PCDHGB4: variants seen among roughly 807,000 people sequenced by gnomAD.
The protein encoded by PCDHGB4 is protocadherin gamma-B4.
PCDHGB4 carries 38 observed loss-of-function variants against 60.5 expected under a neutral mutation model. That is an observed-to-expected ratio of 0.63 (90% CI 0.48 to 0.82). The LOEUF (loss-of-function observed/expected upper bound fraction) is 0.82, where lower values mean the gene tolerates loss of function less well. PCDHGB4 is among the 40% of genes least tolerant of loss of function. The pLI is 0.00. For synonymous variants in PCDHGB4, 456 were observed against 509.7 expected, an observed-to-expected ratio of 0.89 and a Z score of 1.42; for missense variants, 1,109 against 1,209.6, an observed-to-expected ratio of 0.92 and a Z score of 1.23.
intron 3 of PCDHGB4, among the ~76,000 whole-genome samples, chr5:141,506,833 C>A (rs1462038297): frequency 1.3e-5 from 2 of 152,092 alleles, no homozygotes; most frequent in African/African-American, 4.8e-5. Context: ...AACTGATAGC[C>A]CTGCCCTCCA....
chr5:141,421,931 A>T, intron 1 of PCDHGB4: 1 of 1,613,556 alleles, frequency 6.2e-7, no homozygotes, highest in East Asian at 2.2e-5. Context: ...GTGGTCCTCG[A>T]TGTAAATGAT....
chr5:141,491,869 G>C lies in PCDHGB4; in HGVS notation c.2398-2938G>C. On this transcript the variant is annotated intron_variant, in intron 1 of 3. Transcript: ENST00000519479. This position sits in a 1 kb window ranked among gnomAD's most constrained non-coding sequence, Gnocchi z 6.9. ...GGACCGTTTGCGCGAAACCAGAGTG[G>C]CCGATTAAGGGATGGGGCTCCGAGC... The C allele has an allele frequency of 6.9e-7, 1 of 1,453,094 alleles. No homozygotes were observed. Among genetic ancestry groups the C allele is most frequent in the South Asian group, 1.5e-5 (1 of 68,080 alleles). 90.0% of individuals were successfully genotyped at this position (1,453,094 alleles called of 1,614,324 possible).
chr5:141,410,078 G>T, intron 1 of PCDHGB4: 4 of 1,612,820 alleles, frequency 2.5e-6, no homozygotes, highest in East Asian at 2.2e-5. Flanking sequence ...CACTGGGGAG[G>T]TGCGCACGGC....
At chr5:141,454,000 T>C (rs1048921374) in intron 1 of PCDHGB4, among the ~76,000 whole-genome samples, 2 of 152,214 alleles carry the variant, frequency 1.3e-5, no homozygotes, top group African/African-American at 4.8e-5. Flanking sequence ...TAAACCCACA[T>C]AACATTTTAG....
chr5:141,465,893 C>T (rs926928579), intron 1 of PCDHGB4, among the ~76,000 whole-genome samples: 23 of 152,078 alleles, frequency 1.5e-4, no homozygotes, highest in Middle Eastern at 3.4e-3. Context: ...GAGGCCGAGG[C>T]GGGCAAATCA....
chr5:141,502,868 T>TTTTTTTTTC (rs1298099288), intron 2 of PCDHGB4, among the ~76,000 whole-genome samples: 1 of 147,026 alleles, frequency 6.8e-6, no homozygotes, highest in Non-Finnish European at 1.5e-5. Flanking sequence ...CTCTCTGTCT[T>TTTTTTTTTC]TTTTTTTTTT....
At chr5:141,415,095 C>A (rs1045755927) in intron 1 of PCDHGB4, 2 of 1,613,466 alleles carry the variant, frequency 1.2e-6, no homozygotes, top group East Asian at 2.2e-5. Flanking sequence ...TGGACAGAGA[C>A]GCGCTCAAGC....
chr5:141,509,346 G>A (rs946395640), intron 3 of PCDHGB4, among the ~76,000 whole-genome samples: 7 of 152,194 alleles, frequency 4.6e-5, no homozygotes, highest in Non-Finnish European at 8.8e-5. Flanking sequence ...GCCTGGGCTG[G>A]CCTGGGCATC....
intron 1 of PCDHGB4, among the ~76,000 whole-genome samples, chr5:141,468,946 C>G: frequency 7.0e-6 from 1 of 141,900 alleles, no homozygotes; most frequent in Non-Finnish European, 1.5e-5. Context: ...ATGGGGTAAA[C>G]CTGTGGTTTT....
rs201120335 is a variant in PCDHGB4, at chr5:141,389,439, G to T, written c.1555G>T (p.Asp519Tyr). Residue 519 changes from aspartate (D) to tyrosine (Y), a missense_variant, in exon 1 of 4, where the codon GAC (aspartate) becomes TAC (tyrosine). Physicochemically the swap from Asp to Tyr is radical, Grantham distance 160 (BLOSUM62 -3). Around this residue, in one of 2 missense-constraint regions of PCDHGB4, gnomAD observed 1,068 missense variants for 1,089.9 expected, o/e 0.98. Transcript: ENST00000519479. ...GGTGGTGTTCGCGCAGCGCGCCTTC[G>T]ACCACGAGCAGCTGCGCGCCTTCGA... The part of the protein sequence containing the change: ...SGVVFAQRAF[D>Y]HEQLRAFELT... The T allele has an allele frequency of 4.0e-4, 652 of 1,610,462 alleles. No individual in the cohort carries two copies. The highest frequency in any genetic ancestry group is 5.4e-4 in the Non-Finnish European group (638 of 1,178,376).
intron 1 of PCDHGB4, chr5:141,430,875 T>C: frequency 6.3e-7 from 1 of 1,599,398 alleles, no homozygotes; most frequent in Non-Finnish European, 8.5e-7. Context: ...CCGGAAGAGC[T>C]GGAGAAAGGC....
intron 1 of PCDHGB4, chr5:141,423,553 T>G: frequency 2.5e-6 from 4 of 1,613,548 alleles, no homozygotes; most frequent in Non-Finnish European, 3.4e-6. Flanking sequence ...CCAGCCCAAC[T>G]ATGGGGACAC....
At position 141,477,458 on chromosome 5, in the gene PCDHGB4, T is replaced by C; in HGVS notation, c.2398-17349T>C. 6.2e-7 allele frequency: 1 copy of C among 1,614,126 alleles called. No homozygotes were observed. The highest frequency in any genetic ancestry group is 8.5e-7 in the Non-Finnish European group (1 of 1,180,022). ...CCTTACAATAGTGCGTGTTCAAGTG[T>C]CCGACATCAATGACAACCCTCCACA... On this transcript the variant is annotated intron_variant, in intron 1 of 3. Transcript: ENST00000519479. This position sits in a 1 kb window ranked among gnomAD's most constrained non-coding sequence, Gnocchi z 4.9.
At chr5:141,416,794 G>A (rs1002101061) in intron 1 of PCDHGB4, 1 of 152,070 alleles carries the variant, frequency 6.6e-6, no homozygotes, top group East Asian at 1.9e-4. Flanking sequence ...ACTAAATGTG[G>A]TAGTATAAAG....
At chr5:141,435,058 A>G (rs1161891073) in intron 1 of PCDHGB4, among the ~76,000 whole-genome samples, 3 of 152,234 alleles carry the variant, frequency 2.0e-5, no homozygotes, top group East Asian at 3.9e-4. Flanking sequence ...ACCATGCAGC[A>G]GTTTTGTGTA....
At chr5:141,390,433 AT>A (rs1395897313) in intron 1 of PCDHGB4, 152 bp downstream of exon 1, 1 of 978,654 alleles carries the variant, frequency 1.0e-6, no homozygotes, top group East Asian at 2.6e-5. Context: ...CTGTCATATC[AT>A]TCTACAAAGG....
chr5:141,491,048 C>G lies in PCDHGB4; in HGVS notation c.2398-3759C>G. On this transcript the variant is annotated intron_variant, in intron 1 of 3. Coordinates refer to ENST00000519479, the MANE Select transcript of PCDHGB4 (RefSeq NM_003736.4). The surrounding 1 kb of genome is among the most constrained non-coding windows in gnomAD (Gnocchi z 6.9). ...GTGGATGCTGATGCAGGCCACAATGCGTGGCTCTCCTACTCACTGTTGCCA... is the reference window on the plus strand; with the variant it reads ...GTGGATGCTGATGCAGGCCACAATGGGTGGCTCTCCTACTCACTGTTGCCA... 1.2e-6 allele frequency: 2 copies of G among 1,614,066 alleles called. No individual in the cohort carries two copies. Among genetic ancestry groups the G allele is most frequent in the Non-Finnish European group, 8.5e-7 (1 of 1,179,952 alleles).
chr5:141,496,513 G>A (rs1364297990), intron 2 of PCDHGB4, among the ~76,000 whole-genome samples: 1 of 152,140 alleles, frequency 6.6e-6, no homozygotes, highest in Non-Finnish European at 1.5e-5. Context: ...CAAGGACCCA[G>A]GAGCCCTTGG....
At chr5:141,390,341 A>T (rs766269615) in intron 1 of PCDHGB4, 60 bp downstream of exon 1, 5 of 1,587,538 alleles carry the variant, frequency 3.1e-6, no homozygotes, top group Non-Finnish European at 4.3e-6. Flanking sequence ...CATATTCACA[A>T]GAAAATATAC....
Sources: allele counts gnomAD v4.1 joint callset (sites outside exome capture counted in the v4.1 genomes callset), GRCh38; gene constraint gnomAD v4.1.1; regional missense constraint gnomAD v4.1.1; non-coding constraint Gnocchi (gnomAD v3.1); transcripts MANE v1.5; gene names NCBI Gene and HGNC (gene_info 2026-07-23, HGNC 2026-07-21).